Variants in BTBD9 observed in about 807,000 individuals in gnomAD.
BTBD9 encodes BTB domain containing 9.
BTBD9 carries 49 observed loss-of-function variants against 64.3 expected under a neutral mutation model. That is an observed-to-expected ratio of 0.76 (90% CI 0.61 to 0.97). BTBD9 has a LOEUF of 0.97. Among genes scored for constraint, BTBD9 ranks in the 50% least tolerant of loss-of-function variants. The pLI, the probability that BTBD9 is intolerant of heterozygous loss-of-function variation, is 0.00. For synonymous variants in BTBD9, 260 were observed against 274.7 expected, an observed-to-expected ratio of 0.95 and a Z score of 0.53; for missense variants, 598 against 762.1, an observed-to-expected ratio of 0.78 and a Z score of 2.53.
At chr6:38,216,279 T>C (rs1482098728) in intron 9 of BTBD9, among the ~76,000 whole-genome samples, 1 of 152,224 alleles carries the variant, frequency 6.6e-6, no homozygotes, top group Non-Finnish European at 1.5e-5. Context: ...ATCTTCAGTT[T>C]TATAACCTTC....
In BTBD9 at chr6:38,301,826, A is replaced by AT. The variant is rs1181933509; in HGVS notation, c.1265-13366dup. On this transcript the variant is annotated intron_variant, in intron 7 of 10. Transcript: ENST00000481247. ...AGAAAACCAGCTCCTGGATTCATTT[A>AT]TTTTTTGAAGGGTTTTTTGTGTCTC... 3.3e-5 allele frequency among the ~76,000 whole-genome samples: 5 copies of AT among 151,972 alleles called. No individual in the cohort carries two copies. The East Asian group carries it at 7.7e-4, about 24-fold the overall frequency.
At chr6:38,383,199 T>C (rs1257272805) in intron 6 of BTBD9, among the ~76,000 whole-genome samples, 1 of 152,222 alleles carries the variant, frequency 6.6e-6, no homozygotes, top group Non-Finnish European at 1.5e-5. Context: ...GAGTGCTAGG[T>C]ATATTCAACA....
At chr6:38,498,145 T>G (rs1033795071) in intron 6 of BTBD9, among the ~76,000 whole-genome samples, 4 of 152,168 alleles carry the variant, frequency 2.6e-5, no homozygotes, top group Admixed American at 2.0e-4. Context: ...ATCTGATCAT[T>G]TACAAAAGTG....
rs111498731 is a variant in BTBD9, at chr6:38,459,852, A to G, written c.1155-114759T>C. 4.9e-3 allele frequency among the ~76,000 whole-genome samples: 744 copies of G among 152,314 alleles called. 4 individuals are homozygous for G. The highest frequency in any genetic ancestry group is 0.017 in the African/African-American group (691 of 41,560). On this transcript the variant is annotated intron_variant, in intron 6 of 10. Transcript: ENST00000481247. ...ACCATTTATTTTAAAGTAGAAGTCA[A>G]TATGTAGCCTTTGATTTTAAAAGAG...
intron 8 of BTBD9, among the ~76,000 whole-genome samples, chr6:38,283,856 C>A (rs1481511823): frequency 2.0e-5 from 3 of 152,196 alleles, no homozygotes; most frequent in Admixed American, 1.3e-4. Context: ...AGTCAGCCAT[C>A]ACAAGCAATA....
At chr6:38,489,619 C>A (rs963588971) in intron 6 of BTBD9, among the ~76,000 whole-genome samples, 1 of 152,120 alleles carries the variant, frequency 6.6e-6, no homozygotes, top group African/African-American at 2.4e-5. Flanking sequence ...TAGGACGGAC[C>A]AGCTTATAGA....
intron 9 of BTBD9, among the ~76,000 whole-genome samples, chr6:38,201,164 C>G (rs1376706448): frequency 6.6e-6 from 1 of 152,132 alleles, no homozygotes; most frequent in African/African-American, 2.4e-5. Flanking sequence ...AGGCCAATAT[C>G]CTCAATGAAC....
chr6:38,506,895 T>C (rs1021742138), intron 6 of BTBD9, among the ~76,000 whole-genome samples: 2 of 152,326 alleles, frequency 1.3e-5, no homozygotes, highest in Admixed American at 1.3e-4. Context: ...TCAAGTTTCC[T>C]ATCTCTTCAG....
chr6:38,581,661 T>G (rs549642393), intron 4 of BTBD9, among the ~76,000 whole-genome samples: 6 of 152,282 alleles, frequency 3.9e-5, no homozygotes, highest in African/African-American at 1.4e-4. Context: ...ATTAAGAGCT[T>G]GAAGAGTCAG....
chr6:38,245,818 G>A (rs892809930), intron 9 of BTBD9, among the ~76,000 whole-genome samples: 15 of 152,108 alleles, frequency 9.9e-5, no homozygotes, highest in African/African-American at 2.9e-4. Flanking sequence ...TAATAAGAAA[G>A]TTATTTCCAT....
chr6:38,516,919 T>A (rs1428352044), intron 6 of BTBD9, among the ~76,000 whole-genome samples: 3 of 152,222 alleles, frequency 2.0e-5, no homozygotes, highest in Non-Finnish European at 2.9e-5. Context: ...ATTTGCTCAC[T>A]GCACTCTGAA....
At chr6:38,563,712 C>T (rs1161070621) in intron 6 of BTBD9, among the ~76,000 whole-genome samples, 9 of 151,974 alleles carry the variant, frequency 5.9e-5, no homozygotes, top group African/African-American at 2.2e-4. Context: ...AAGTTCTTTC[C>T]TCCCTCAAGA....
intron 10 of BTBD9, among the ~76,000 whole-genome samples, chr6:38,182,491 T>C (rs1276998609): frequency 6.6e-6 from 1 of 152,188 alleles, no homozygotes; most frequent in Non-Finnish European, 1.5e-5. Flanking sequence ...CCCCACCTGA[T>C]AGATGTGGCC....
At chr6:38,211,212 G>A (rs1415062839) in intron 9 of BTBD9, among the ~76,000 whole-genome samples, 1 of 151,948 alleles carries the variant, frequency 6.6e-6, no homozygotes, top group African/African-American at 2.4e-5. Context: ...GGTGGATCAC[G>A]AGGTCAGGAG....
At chr6:38,222,901 T>TTTTA (rs1763263520) in intron 9 of BTBD9, among the ~76,000 whole-genome samples, 1 of 152,130 alleles carries the variant, frequency 6.6e-6, no homozygotes, top group South Asian at 2.1e-4. Context: ...GAAGGTTTTA[T>TTTTA]TTTATTTATT....
At chr6:38,195,926 G>A (rs1202538726) in intron 9 of BTBD9, among the ~76,000 whole-genome samples, 1 of 152,224 alleles carries the variant, frequency 6.6e-6, no homozygotes, top group Non-Finnish European at 1.5e-5. Context: ...GTGCTTTTCT[G>A]TACTGTTTGA....
intron 6 of BTBD9, among the ~76,000 whole-genome samples, chr6:38,542,883 G>T (rs1316948007): frequency 6.6e-6 from 1 of 152,078 alleles, no homozygotes; most frequent in African/African-American, 2.4e-5. Context: ...GTACTACCTG[G>T]CCACTGAAAG....
chr6:38,533,573 A>C (rs1489985267), intron 6 of BTBD9, among the ~76,000 whole-genome samples: 3 of 152,196 alleles, frequency 2.0e-5, no homozygotes, highest in African/African-American at 4.8e-5. Context: ...AATTTCATCC[A>C]ATGGCTGCAG....
intron 6 of BTBD9, among the ~76,000 whole-genome samples, chr6:38,375,934 A>AGAAAGAAG (rs770074471): frequency 1.6e-4 from 19 of 115,676 alleles, no homozygotes; most frequent in Admixed American, 4.6e-4. Flanking sequence ...AAAGAAAGAA[A>AGAAAGAAG]GAAAGAAGGA....
Sources: gnomAD v4.1 joint callset for allele counts (sites outside exome capture counted in the v4.1 genomes callset) on GRCh38, gnomAD v4.1.1 for gene constraint, MANE v1.5 for transcripts, NCBI Gene and HGNC (gene_info 2026-07-23, HGNC 2026-07-21) for gene names.